ASIC2: variants seen among roughly 807,000 people sequenced by gnomAD.
ASIC2 encodes acid-sensing ion channel 2.
ASIC2 carries 25 observed loss-of-function variants against 57.3 expected under a neutral mutation model. The observed-to-expected ratio is 0.44, with a 90% CI of 0.32 to 0.61. The LOEUF (loss-of-function observed/expected upper bound fraction) is 0.61. Among genes scored for constraint, ASIC2 ranks in the 20% least tolerant of loss-of-function variants. The pLI is 0.06. For missense variants in ASIC2, 641 were observed against 738.1 expected, an observed-to-expected ratio of 0.87 and a Z score of 1.52; for synonymous variants, 319 against 307.5, an observed-to-expected ratio of 1.04 and a Z score of -0.39.
intron 1 of ASIC2, among the ~76,000 whole-genome samples, chr17:33,182,416 C>T (rs1178108107): frequency 1.3e-5 from 2 of 152,052 alleles, no homozygotes; most frequent in Non-Finnish European, 2.9e-5. Flanking sequence ...TACCAAAATG[C>T]TATTTGTTGT....
At chr17:34,139,363 A>C (rs188448399) in intron 1 of ASIC2, among the ~76,000 whole-genome samples, 1 of 152,338 alleles carries the variant, frequency 6.6e-6, no homozygotes, top group Admixed American at 6.5e-5. Context: ...AAACAGATAG[A>C]TTCATATGTG....
At chr17:33,820,540 C>T (rs887148990) in intron 1 of ASIC2, among the ~76,000 whole-genome samples, 1 of 151,856 alleles carries the variant, frequency 6.6e-6, no homozygotes, top group Non-Finnish European at 1.5e-5. Context: ...CCCTTTGATG[C>T]CAATATACGT....
chr17:33,204,944 C>CCTT (rs1180459849), intron 1 of ASIC2, among the ~76,000 whole-genome samples: 1 of 152,176 alleles, frequency 6.6e-6, no homozygotes, highest in Non-Finnish European at 1.5e-5. Flanking sequence ...TTGAGCCATG[C>CCTT]CTGAAGTCAG....
intron 1 of ASIC2, among the ~76,000 whole-genome samples, chr17:33,541,099 G>T (rs906493742): frequency 6.6e-6 from 1 of 151,884 alleles, no homozygotes; most frequent in African/African-American, 2.4e-5. Flanking sequence ...TGACTTATTT[G>T]TGTGTCTTTA....
intron 1 of ASIC2, among the ~76,000 whole-genome samples, chr17:33,389,679 T>A (rs1275303240): frequency 6.6e-6 from 1 of 152,162 alleles, no homozygotes; most frequent in Non-Finnish European, 1.5e-5. Context: ...AAGGAAGAGA[T>A]TTGGAAAGCA....
intron 3 of ASIC2, among the ~76,000 whole-genome samples, chr17:33,054,505 G>A (rs2091990236): frequency 2.0e-5 from 3 of 152,184 alleles, no homozygotes; most frequent in Admixed American, 1.3e-4. Flanking sequence ...GTGCAGTCAT[G>A]TGAGGGAAAT....
At chr17:33,276,410 A>G (rs1224865256) in intron 1 of ASIC2, among the ~76,000 whole-genome samples, 2 of 152,212 alleles carry the variant, frequency 1.3e-5, no homozygotes, top group East Asian at 3.8e-4. Context: ...TGCATTACCT[A>G]GAAATGCCCT....
intron 1 of ASIC2, among the ~76,000 whole-genome samples, chr17:33,701,651 G>C (rs1429652297): frequency 6.6e-6 from 1 of 152,182 alleles, no homozygotes; most frequent in Non-Finnish European, 1.5e-5. Context: ...CCAAGTCAGG[G>C]TCAGCCATTG....
chr17:34,054,921 C>G (rs1040233020), intron 1 of ASIC2, among the ~76,000 whole-genome samples: 1 of 152,170 alleles, frequency 6.6e-6, no homozygotes, highest in Non-Finnish European at 1.5e-5. Context: ...ATTGGGAGGG[C>G]TTCTTGAAGA....
intron 1 of ASIC2, among the ~76,000 whole-genome samples, chr17:33,999,850 G>T (rs1435217849): frequency 3.3e-5 from 5 of 152,032 alleles, no homozygotes; most frequent in Non-Finnish European, 2.9e-5. Context: ...TACCTTTACA[G>T]TGAGTTTTAA....
rs1401693572 is a variant in ASIC2, at chr17:33,534,237, A to T, written c.556-422170T>A. On this transcript the variant is annotated intron_variant, in intron 1 of 9. Transcript: ENST00000359872. ...CATTCTTCAAATTCAAACGCGAACC[A>T]GAAGTGACAAATGATTCTTGTAATG... 2.0e-5 allele frequency: 3 copies of T among 152,196 alleles called. No individual in the cohort carries two copies. In the East Asian group the frequency reaches 5.8e-4, roughly 29 times the overall value. 9.4% of individuals were successfully genotyped at this position (152,196 alleles called of 1,614,324 possible).
chr17:33,047,149 A>G (rs977857334), intron 3 of ASIC2, among the ~76,000 whole-genome samples: 1 of 152,248 alleles, frequency 6.6e-6, no homozygotes, highest in Non-Finnish European at 1.5e-5. Context: ...GCTTACAGGC[A>G]TAAAACATGT....
At chr17:33,339,886 T>A (rs1477865661) in intron 1 of ASIC2, among the ~76,000 whole-genome samples, 2 of 152,154 alleles carry the variant, frequency 1.3e-5, no homozygotes, top group South Asian at 2.1e-4. Flanking sequence ...GGTCATTTGT[T>A]AGCAAAATCC....
chr17:33,498,475 G>A (rs558550554), intron 1 of ASIC2, among the ~76,000 whole-genome samples: 27 of 152,322 alleles, frequency 1.8e-4, no homozygotes, highest in African/African-American at 6.0e-4. Context: ...TTCAGGAGGC[G>A]TTGAAGCCTG....
At chr17:33,751,470 T>C (rs762717547) in intron 1 of ASIC2, among the ~76,000 whole-genome samples, 1 of 152,192 alleles carries the variant, frequency 6.6e-6, no homozygotes, top group Non-Finnish European at 1.5e-5. Context: ...AAGTGACCAG[T>C]CTTCCCTTTT....
chr17:33,398,160 G>C (rs949745424), intron 1 of ASIC2, among the ~76,000 whole-genome samples: 1 of 152,248 alleles, frequency 6.6e-6, no homozygotes, highest in South Asian at 2.1e-4. Context: ...CTTATATACT[G>C]TGTGTATTCT....
intron 3 of ASIC2, among the ~76,000 whole-genome samples, chr17:33,029,876 T>C (rs558798903): frequency 1.0e-3 from 154 of 152,378 alleles, no homozygotes; most frequent in African/African-American, 3.6e-3. Context: ...CCCTGACGGA[T>C]GATTTTGAGC....
intron 1 of ASIC2, among the ~76,000 whole-genome samples, chr17:33,865,940 T>C (rs569472504): frequency 6.6e-6 from 1 of 152,252 alleles, no homozygotes; most frequent in African/African-American, 2.4e-5. Flanking sequence ...TCTTCAAAGG[T>C]AACTATTCTC....
intron 1 of ASIC2, among the ~76,000 whole-genome samples, chr17:33,413,395 C>T (rs962027033): frequency 1.3e-5 from 2 of 152,158 alleles, no homozygotes; most frequent in Admixed American, 1.3e-4. Context: ...TTAAATGTCC[C>T]CAACTTGGTC....
Sources: allele counts gnomAD v4.1 joint callset (sites outside exome capture counted in the v4.1 genomes callset), GRCh38; gene constraint gnomAD v4.1.1; transcripts MANE v1.5; gene names NCBI Gene and HGNC (gene_info 2026-07-23, HGNC 2026-07-21).